The following UVRAG variants were observed in gnomAD, a reference collection of about 807,000 sequenced individuals.
The protein encoded by UVRAG is UV radiation resistance-associated gene protein.
Under a neutral mutation model 78.0 loss-of-function variants are expected in UVRAG, and 19 were observed. That is an observed-to-expected ratio of 0.24 (90% CI 0.17 to 0.36). The LOEUF (loss-of-function observed/expected upper bound fraction) is 0.36, where lower values mean the gene tolerates loss of function less well. Ranked by LOEUF, UVRAG falls within the 10% of genes least tolerant of loss-of-function variation. UVRAG has a pLI of 1.00. For missense variants in UVRAG, 740 were observed against 853.8 expected (o/e 0.87, Z 1.66); for synonymous variants, 323 against 324.6 (o/e 1.00, Z 0.05).
At chr11:76,139,303 C>CTCTTT (rs1302784009) in intron 14 of UVRAG, among the ~76,000 whole-genome samples, 1 of 152,180 alleles carries the variant, frequency 6.6e-6, no homozygotes, top group African/African-American at 2.4e-5. Context: ...AACCCCAGAT[C>CTCTTT]TCTTTTCTTT....
intron 1 of UVRAG, among the ~76,000 whole-genome samples, chr11:75,834,924 C>A (rs1478461038): frequency 6.6e-6 from 1 of 152,162 alleles, no homozygotes; most frequent in Non-Finnish European, 1.5e-5. Flanking sequence ...GATATCTTCC[C>A]TCCTCAGCCT....
intron 5 of UVRAG, among the ~76,000 whole-genome samples, chr11:75,900,193 A>T (rs924172387): frequency 1.3e-5 from 2 of 152,230 alleles, no homozygotes; most frequent in East Asian, 3.8e-4. Flanking sequence ...ACAGAAACAG[A>T]GTTCGACTTG....
chr11:75,843,699 C>G (rs764373338), intron 1 of UVRAG, among the ~76,000 whole-genome samples: 5 of 152,170 alleles, frequency 3.3e-5, no homozygotes, highest in Non-Finnish European at 7.3e-5. Flanking sequence ...TGGCTCATGC[C>G]TGTAATCCCA....
chr11:75,968,037 A>C lies in UVRAG; in HGVS notation c.699+6488A>C, dbSNP rs116510198. ...CATTACTGGTTGAACATCTCAAATC[A>C]AAAATCCAAAATCCAAAACACTCCA... On this transcript the variant is annotated intron_variant, in intron 7 of 14. Coordinates refer to ENST00000356136, the MANE Select transcript of UVRAG (RefSeq NM_003369.4). Among the ~76,000 whole-genome samples, 781 of 152,344 alleles carry C rather than the reference A, an allele frequency of 5.1e-3. 10 individuals carry two copies. The highest frequency in any genetic ancestry group is 0.017 in the African/African-American group (706 of 41,586).
intron 14 of UVRAG, among the ~76,000 whole-genome samples, chr11:76,139,911 G>A (rs1180676377): frequency 6.6e-6 from 1 of 150,980 alleles, no homozygotes; most frequent in Non-Finnish European, 1.5e-5. Context: ...CCAAAAGACA[G>A]CATTGCAGAC....
At chr11:75,889,956 G>T (rs774090357) in intron 5 of UVRAG, among the ~76,000 whole-genome samples, 1 of 152,206 alleles carries the variant, frequency 6.6e-6, no homozygotes, top group African/African-American at 2.4e-5. Context: ...ATGAATAGAA[G>T]TGAACTGTGT....
intron 6 of UVRAG, among the ~76,000 whole-genome samples, chr11:75,919,287 G>T (rs984584970): frequency 6.6e-6 from 1 of 152,006 alleles, no homozygotes; most frequent in Non-Finnish European, 1.5e-5. Flanking sequence ...ACAGAATACA[G>T]CTAAGAACCC....
intron 14 of UVRAG, among the ~76,000 whole-genome samples, chr11:76,124,234 G>T (rs1375670183): frequency 1.3e-5 from 2 of 152,232 alleles, no homozygotes; most frequent in Non-Finnish European, 2.9e-5. Context: ...AAGTATTAAA[G>T]AATTTGACAA....
chr11:75,864,551 G>T (rs1946497103), intron 3 of UVRAG, among the ~76,000 whole-genome samples: 1 of 152,226 alleles, frequency 6.6e-6, no homozygotes, highest in Non-Finnish European at 1.5e-5. Flanking sequence ...GAATTGGTTG[G>T]TTTCTTTCCT....
At chr11:76,139,068 A>G (rs1952653081) in intron 14 of UVRAG, among the ~76,000 whole-genome samples, 1 of 152,196 alleles carries the variant, frequency 6.6e-6, no homozygotes, top group Admixed American at 6.5e-5. Flanking sequence ...GCCTAGTTCT[A>G]TATGTACCCC....
At position 76,143,252 on chromosome 11, in the gene UVRAG, G is replaced by A. The variant is rs1023382394; in HGVS notation, c.*1839G>A. 1 of 152,176 alleles carries A rather than the reference G, an allele frequency of 6.6e-6. No individual in the cohort carries two copies. Among genetic ancestry groups the A allele is most frequent in the Non-Finnish European group, 1.5e-5 (1 of 68,040 alleles). The allele number at this position is 152,176 out of a possible 1,614,324, so 9.4% of individuals were successfully genotyped here. ...GGAAGGTCAACCCCGTGGGACTTAC[G>A]ATTGCCCCAGGTGCGGGATGGACTT... On this transcript the variant is annotated 3_prime_UTR_variant, in exon 15 of 15. Coordinates refer to ENST00000356136, the MANE Select transcript of UVRAG (RefSeq NM_003369.4).
At chr11:75,865,905 A>G (rs1363203574) in intron 3 of UVRAG, among the ~76,000 whole-genome samples, 1 of 152,074 alleles carries the variant, frequency 6.6e-6, no homozygotes, top group Non-Finnish European at 1.5e-5. Flanking sequence ...GTGAGCCACC[A>G]CGCCTGGCCA....
chr11:75,897,772 C>T (rs763189540), intron 5 of UVRAG, among the ~76,000 whole-genome samples: 15 of 151,638 alleles, frequency 9.9e-5, no homozygotes, highest in African/African-American at 7.3e-5. Flanking sequence ...GATCTGCCCA[C>T]CTCGGCTTCC....
chr11:76,069,578 A>G (rs1174337172), intron 13 of UVRAG, among the ~76,000 whole-genome samples: 1 of 152,250 alleles, frequency 6.6e-6, no homozygotes, highest in Non-Finnish European at 1.5e-5. Context: ...TTCTCAGAGC[A>G]TAAAAATTAA....
chr11:75,970,743 A>AG (rs1390299600), intron 7 of UVRAG, among the ~76,000 whole-genome samples: 7 of 151,902 alleles, frequency 4.6e-5, no homozygotes, highest in Non-Finnish European at 8.8e-5. Context: ...AAAAAAAAAA[A>AG]AAAAAAAAAT....
chr11:75,934,249 A>G (rs1054704924), intron 6 of UVRAG, among the ~76,000 whole-genome samples: 5 of 152,252 alleles, frequency 3.3e-5, no homozygotes, highest in Non-Finnish European at 7.3e-5. Flanking sequence ...CAGCAAGACA[A>G]ACATCACATG....
chr11:75,897,889 T>TTTTTTTTTTTTTG (rs1947380876), intron 5 of UVRAG, among the ~76,000 whole-genome samples: 1 of 130,926 alleles, frequency 7.6e-6, no homozygotes, highest in African/African-American at 3.0e-5. Flanking sequence ...TTTTTTTTTT[T>TTTTTTTTTTTTTG]GGACAAGTCT....
chr11:76,126,504 A>G (rs1752496606), intron 14 of UVRAG, among the ~76,000 whole-genome samples: 1 of 152,250 alleles, frequency 6.6e-6, no homozygotes, highest in African/African-American at 2.4e-5. Flanking sequence ...GTCATGGTGG[A>G]CAGCACAGTC....
intron 6 of UVRAG, among the ~76,000 whole-genome samples, chr11:75,936,361 C>T (rs989288693): frequency 3.3e-5 from 5 of 152,084 alleles, no homozygotes; most frequent in African/African-American, 9.7e-5. Flanking sequence ...TGTTTCTTGG[C>T]TAAATTAATT....
Sources: allele counts gnomAD v4.1 joint callset (sites outside exome capture counted in the v4.1 genomes callset), GRCh38; gene constraint gnomAD v4.1.1; transcripts MANE v1.5; gene names NCBI Gene and HGNC (gene_info 2026-07-23, HGNC 2026-07-21).